Variants in SNX18 observed in about 807,000 individuals in gnomAD.
SNX18 encodes sorting nexin 18.
In SNX18, 35 loss-of-function variants were observed where a neutral mutation model predicts 48.7. The ratio of observed to expected loss-of-function variants is 0.72; its 90% confidence interval spans 0.55 to 0.95. SNX18 has a LOEUF of 0.95. Among genes scored for constraint, SNX18 ranks in the 40% least tolerant of loss-of-function variants. SNX18 has a pLI of 0.00. For synonymous variants in SNX18, 492 were observed against 384.7 expected (o/e 1.28, Z -3.26); for missense variants, 824 against 871.0 (o/e 0.95, Z 0.68).
the SNX18 span, among the ~76,000 whole-genome samples, chr5:54,563,839 A>G: frequency 1.4e-4 from 22 of 151,956 alleles, no homozygotes; most frequent in African/African-American, 5.1e-4. Context: ...CTGCAGCTGA[A>G]CCCTAATATA....
chr5:54,586,314 C>G, the SNX18 span, among the ~76,000 whole-genome samples: 1 of 152,158 alleles, frequency 6.6e-6, no homozygotes, highest in Non-Finnish European at 1.5e-5. Flanking sequence ...TCACTAGCAA[C>G]TATTTACATC....
the SNX18 span, among the ~76,000 whole-genome samples, chr5:54,609,764 T>C: frequency 6.6e-6 from 1 of 152,104 alleles, no homozygotes; most frequent in Non-Finnish European, 1.5e-5. Flanking sequence ...GTGATATAGT[T>C]TGGATGTTTG....
the SNX18 span, among the ~76,000 whole-genome samples, chr5:54,581,998 A>G: frequency 6.6e-6 from 1 of 152,122 alleles, no homozygotes; most frequent in East Asian, 1.9e-4. Context: ...GCAGAGTTTC[A>G]TCTGGAATAT....
At chr5:54,642,569 T>A in the SNX18 span, among the ~76,000 whole-genome samples, 505 of 152,334 alleles carry the variant, frequency 3.3e-3, 2 homozygotes, top group Non-Finnish European at 4.0e-3. Flanking sequence ...CAGGCCCTTG[T>A]TCCTTCCAGG....
the SNX18 span, among the ~76,000 whole-genome samples, chr5:54,591,989 C>G: frequency 1.3e-5 from 2 of 152,356 alleles, no homozygotes; most frequent in African/African-American, 4.8e-5. Context: ...TTTGCTTACT[C>G]TGTCCATATT....
the SNX18 span, among the ~76,000 whole-genome samples, chr5:54,610,312 G>T: frequency 6.6e-6 from 1 of 152,146 alleles, no homozygotes; most frequent in Admixed American, 6.5e-5. Flanking sequence ...GCACTCCGTG[G>T]TTTACCAAAC....
chr5:54,577,862 T>A, the SNX18 span, among the ~76,000 whole-genome samples: 2 of 152,114 alleles, frequency 1.3e-5, no homozygotes, highest in Non-Finnish European at 2.9e-5. Context: ...CACCACATGG[T>A]GGTGGTGGGA....
the SNX18 span, among the ~76,000 whole-genome samples, chr5:54,568,077 C>G: frequency 1.3e-5 from 2 of 152,096 alleles, no homozygotes; most frequent in African/African-American, 4.8e-5. Context: ...TATTCAAACA[C>G]TTTTGTGTGT....
intron 1 of SNX18, among the ~76,000 whole-genome samples, chr5:54,531,831 A>T (rs1762257267): frequency 6.6e-6 from 1 of 152,222 alleles, no homozygotes; most frequent in African/African-American, 2.4e-5. Context: ...CAGGATAACG[A>T]AGAGTGCTTG....
At chr5:54,565,415 GA>G in the SNX18 span, among the ~76,000 whole-genome samples, 12 of 148,398 alleles carry the variant, frequency 8.1e-5, no homozygotes, top group Admixed American at 6.0e-4. Flanking sequence ...CTCTACGAAA[GA>G]AAAAAAAAAT....
the SNX18 span, among the ~76,000 whole-genome samples, chr5:54,608,739 T>A: frequency 6.6e-6 from 1 of 152,224 alleles, no homozygotes; most frequent in Admixed American, 6.5e-5. Context: ...GGTATTAATC[T>A]TAGTTCCCTA....
chr5:54,559,495 T>C, the SNX18 span, among the ~76,000 whole-genome samples: 1 of 152,176 alleles, frequency 6.6e-6, no homozygotes, highest in African/African-American at 2.4e-5. Flanking sequence ...ATTCAATAAA[T>C]GGTGCTGGGA....
At chr5:54,602,979 C>T in the SNX18 span, among the ~76,000 whole-genome samples, 2 of 152,142 alleles carry the variant, frequency 1.3e-5, no homozygotes, top group African/African-American at 4.8e-5. Flanking sequence ...CTGCCCTGCT[C>T]ATACCTGACA....
At chr5:54,584,105 C>T in the SNX18 span, among the ~76,000 whole-genome samples, 697 of 139,742 alleles carry the variant, frequency 5.0e-3, 1 homozygote, top group Middle Eastern at 0.018. Context: ...GGCTGGAGTG[C>T]AGTGGCACAA....
At chr5:54,619,654 C>CAGATCT in the SNX18 span, among the ~76,000 whole-genome samples, 30 of 152,112 alleles carry the variant, frequency 2.0e-4, no homozygotes, top group Non-Finnish European at 4.3e-4. Flanking sequence ...GTGACTGAGG[C>CAGATCT]AGATCTCAAT....
chr5:54,538,771 ATTTGT>A (rs1264147377), intron 1 of SNX18, among the ~76,000 whole-genome samples: 7 of 152,182 alleles, frequency 4.6e-5, no homozygotes, highest in African/African-American at 1.4e-4. Flanking sequence ...TCGATTTTTA[ATTTGT>A]TTTAAGTATA....
the SNX18 span, among the ~76,000 whole-genome samples, chr5:54,585,444 G>T: frequency 6.6e-6 from 1 of 151,250 alleles, no homozygotes; most frequent in African/African-American, 2.4e-5. Flanking sequence ...TTTGAATTGG[G>T]TGGGTGGGGT....
the SNX18 span, among the ~76,000 whole-genome samples, chr5:54,599,514 A>G: frequency 1.3e-5 from 2 of 152,154 alleles, no homozygotes; most frequent in African/African-American, 4.8e-5. Context: ...AAAAGAGCCC[A>G]TATAGCCAAG....
At chr5:54,619,564 G>A in the SNX18 span, among the ~76,000 whole-genome samples, 5 of 152,084 alleles carry the variant, frequency 3.3e-5, no homozygotes, top group Non-Finnish European at 1.5e-5. Context: ...TACTTTATGC[G>A]TTAGGGCACA....
Sources: allele counts gnomAD v4.1 joint callset (sites outside exome capture counted in the v4.1 genomes callset), GRCh38; gene constraint gnomAD v4.1.1; transcripts MANE v1.5; gene names NCBI Gene and HGNC (gene_info 2026-07-23, HGNC 2026-07-21).